Variants in PPM1B observed in about 807,000 individuals in gnomAD.
PPM1B encodes protein phosphatase, Mg2+/Mn2+ dependent 1B, also known as protein phosphatase 1B.
In PPM1B, 22 loss-of-function variants were observed where a neutral mutation model predicts 43.0. The observed-to-expected ratio is 0.51, with a 90% CI of 0.37 to 0.73. The LOEUF (loss-of-function observed/expected upper bound fraction) is 0.73. PPM1B is among the 30% of genes least tolerant of loss of function. PPM1B has a pLI of 0.00. For synonymous variants in PPM1B, 217 were observed against 197.9 expected, an observed-to-expected ratio of 1.10 and a Z score of -0.81; for missense variants, 632 against 584.2, an observed-to-expected ratio of 1.08 and a Z score of -0.84.
chr2:44,173,096 C>G (rs1398102045), intron 1 of PPM1B, among the ~76,000 whole-genome samples: 1 of 152,212 alleles, frequency 6.6e-6, no homozygotes, highest in Non-Finnish European at 1.5e-5. Flanking sequence ...AGGCAGATCA[C>G]TTGAGAACAG....
At chr2:44,229,971 T>G in intron 5 of PPM1B, 3 of 1,551,388 alleles carry the variant, frequency 1.9e-6, no homozygotes, top group Non-Finnish European at 2.6e-6. Flanking sequence ...AGTTTTATGT[T>G]TTGTATTTCC....
intron 2 of PPM1B, among the ~76,000 whole-genome samples, chr2:44,205,362 T>TCG (rs1232353016): frequency 1.3e-5 from 2 of 150,676 alleles, no homozygotes; most frequent in Non-Finnish European, 3.0e-5. Flanking sequence ...TGGGTGTGTG[T>TCG]GTGTGTGTGT....
At chr2:44,197,447 A>G (rs1172574606) in intron 1 of PPM1B, among the ~76,000 whole-genome samples, 2 of 152,134 alleles carry the variant, frequency 1.3e-5, no homozygotes, top group African/African-American at 4.8e-5. Context: ...CATTTACTGT[A>G]GTGCGTTTAT....
At chr2:44,236,984 T>G (rs528472106), downstream of PPM1B, among the ~76,000 whole-genome samples, 1 of 152,208 alleles carries the variant, frequency 6.6e-6, no homozygotes, top group African/African-American at 2.4e-5. Context: ...AATTCCTAGT[T>G]GTGCAAAAAA....
chr2:44,185,343 T>G (rs925812567), intron 1 of PPM1B, among the ~76,000 whole-genome samples: 2 of 152,164 alleles, frequency 1.3e-5, no homozygotes, highest in East Asian at 1.9e-4. Context: ...TAATTTTCTG[T>G]TTTTGATATA....
At position 44,209,202 on chromosome 2, in the gene PPM1B, A is replaced by G; in HGVS notation, c.847-8A>G. On this transcript the variant is annotated splice_polypyrimidine_tract_variant and splice_region_variant and intron_variant, in intron 2 of 5. Transcript: ENST00000282412. ...CAATTTTTTTTCTTTTTTTTCTTTAATACACAGGGAAGTCGAGATAACATG... is the reference window on the plus strand; with the variant it reads ...CAATTTTTTTTCTTTTTTTTCTTTAGTACACAGGGAAGTCGAGATAACATG... 6.4e-7 allele frequency: 1 copy of G among 1,564,324 alleles called. No homozygotes were observed. Among genetic ancestry groups the G allele is most frequent in the East Asian group, 2.3e-5 (1 of 44,350 alleles).
At chr2:44,232,414 T>A, downstream of PPM1B, 4 of 1,593,184 alleles carry the variant, frequency 2.5e-6, no homozygotes, top group Non-Finnish European at 3.4e-6. Context: ...CACAATTTTC[T>A]TCAATACAAG....
chr2:44,241,990 C>G (rs1019923906), intron 5 of PPM1B, among the ~76,000 whole-genome samples: 2 of 150,808 alleles, frequency 1.3e-5, no homozygotes, highest in South Asian at 2.1e-4. Flanking sequence ...TTCCGAGTAG[C>G]TGGGAGTACA....
At chr2:44,230,138 A>G (rs1311645318) in intron 5 of PPM1B, 4 of 1,453,054 alleles carry the variant, frequency 2.8e-6, no homozygotes, top group Non-Finnish European at 3.6e-6. Flanking sequence ...TTGCTGTTGA[A>G]TTATAAAAGC....
In PPM1B at chr2:44,169,140, C is replaced by CCGGAGGCGG. The variant is rs75626638; in HGVS notation, c.-145_-137dup. The CCGGAGGCGG allele has an allele frequency of 0.86, 143,285 of 167,138 alleles. 61,709 individuals carry two copies. Among genetic ancestry groups the CCGGAGGCGG allele is most frequent in the South Asian group, 0.94 (8,493 of 9,068 alleles). The allele number at this position is 167,138 out of a possible 1,614,324, so 10.4% of individuals were successfully genotyped here. On this transcript the variant is annotated 5_prime_UTR_variant, in exon 1 of 6. Transcript: ENST00000282412. ...GAGGGGCCGGGCGGTGTAAACAGCC[C>CCGGAGGCGG]CGGAGGCGGCGGTCGAGACCCCGAG...
At chr2:44,219,008 G>T in intron 5 of PPM1B, 1 of 381,776 alleles carries the variant, frequency 2.6e-6, no homozygotes, top group South Asian at 2.0e-5. Flanking sequence ...TAATATTATT[G>T]TTGTATTATG....
chr2:44,182,835 T>G (rs944288114), intron 1 of PPM1B, among the ~76,000 whole-genome samples: 1 of 152,184 alleles, frequency 6.6e-6, no homozygotes, highest in Non-Finnish European at 1.5e-5. Context: ...ATGTGTGGAT[T>G]TTTTTGTAAT....
At chr2:44,176,107 C>G (rs1191132624) in intron 1 of PPM1B, among the ~76,000 whole-genome samples, 1 of 151,786 alleles carries the variant, frequency 6.6e-6, no homozygotes, top group Non-Finnish European at 1.5e-5. Context: ...AAAGATGACC[C>G]AAAGAGAGAA....
In PPM1B at chr2:44,207,888, CTT is replaced by C. The variant is rs569077342; in HGVS notation, c.847-1304_847-1303del. Among the ~76,000 whole-genome samples, 271 of 97,342 alleles carry C rather than the reference CTT, an allele frequency of 2.8e-3. 1 individual carries two copies. The highest frequency in any genetic ancestry group is 4.3e-3 in the African/African-American group (114 of 26,308). The allele number at this position is 97,342 out of a possible 152,430, so 63.9% of individuals were successfully genotyped here. On this transcript the variant is annotated intron_variant, in intron 2 of 5. Transcript: ENST00000282412. The stretch of plus-strand genomic sequence containing the variant: ...ATGAGTCACAGTGCCTGGCTTTATG[CTT>C]TTTTTTTTTTTTTTTTTGGAGACAG...
chr2:44,178,981 T>A (rs1013302155), intron 1 of PPM1B, among the ~76,000 whole-genome samples: 1 of 152,246 alleles, frequency 6.6e-6, no homozygotes, highest in Admixed American at 6.5e-5. Flanking sequence ...AATGGTGTGA[T>A]TGGGCTGTGT....
intron 1 of PPM1B, among the ~76,000 whole-genome samples, chr2:44,181,265 A>G (rs1451025052): frequency 1.3e-5 from 2 of 152,170 alleles, no homozygotes; most frequent in African/African-American, 4.8e-5. Context: ...ATATTATTTC[A>G]CAGGCACCTT....
downstream of PPM1B, chr2:44,234,471 A>G (rs534942413): frequency 8.1e-4 from 669 of 823,494 alleles, 3 homozygotes; most frequent in African/African-American, 0.012. Flanking sequence ...GTGAGCTAAG[A>G]TCGCGCCACT....
At chr2:44,181,962 A>G (rs901498334) in intron 1 of PPM1B, among the ~76,000 whole-genome samples, 2 of 152,188 alleles carry the variant, frequency 1.3e-5, no homozygotes, top group Admixed American at 6.6e-5. Flanking sequence ...AAAAAAGAAT[A>G]AAGTTTTTTT....
At chr2:44,208,554 T>C (rs181751454) in intron 2 of PPM1B, among the ~76,000 whole-genome samples, 111 of 152,016 alleles carry the variant, frequency 7.3e-4, no homozygotes, top group Non-Finnish European at 1.3e-3. Flanking sequence ...CTCTACTAAA[T>C]ATAAAAAAAT....
Sources: gnomAD v4.1 joint callset for allele counts (sites outside exome capture counted in the v4.1 genomes callset) on GRCh38, gnomAD v4.1.1 for gene constraint, MANE v1.5 for transcripts, NCBI Gene and HGNC (gene_info 2026-07-23, HGNC 2026-07-21) for gene names.